The following SLC25A14 variants were observed in gnomAD, a reference collection of about 807,000 sequenced individuals.
SLC25A14 encodes brain mitochondrial carrier protein 1.
Under a neutral mutation model 28.1 loss-of-function variants are expected in SLC25A14, and 8 were observed. The observed-to-expected ratio is 0.28, with a 90% CI of 0.17 to 0.51. SLC25A14 has a LOEUF of 0.51. SLC25A14 is among the 20% of genes least tolerant of loss of function. The pLI is 0.97. For synonymous variants in SLC25A14, 74 were observed against 90.6 expected (o/e 0.82, Z 1.04); for missense variants, 135 against 263.8 (o/e 0.51, Z 3.38).
At chrX:130,368,949 A>G (rs1204939671) in intron 9 of SLC25A14, among the ~76,000 whole-genome samples, 1 of 112,590 alleles carries the variant, frequency 8.9e-6, no homozygotes, top group Non-Finnish European at 1.9e-5. Context: ...TGCTACTAAA[A>G]AATTTTAATA....
chrX:130,342,175 T>G (rs929058252), intron 2 of SLC25A14, among the ~76,000 whole-genome samples: 1 of 112,309 alleles, frequency 8.9e-6, no homozygotes, highest in African/African-American at 3.2e-5. Flanking sequence ...ACCCTCATCC[T>G]AGTCATTATT....
Position 130,358,767 on chromosome X carries a change from C to T in SLC25A14, c.594+32C>T, listed in dbSNP as rs759019084. The T allele has an allele frequency of 5.2e-6, 5 of 954,726 alleles. No individual in the cohort carries two copies. The East Asian group carries it at 9.2e-5, about 18-fold the overall frequency. The allele number at this position is 954,726 out of a possible 1,213,427, so 78.7% of individuals were successfully genotyped here. A position where few individuals can be genotyped will look rare whatever the true frequency, so the allele number is the denominator to read the frequency against. ...ACTCTTTTCCTGCTATTATCCTACA[C>T]TCTCAGTTCCTACAATTTGCAGAGA... On this transcript the variant is annotated intron_variant, in intron 7 of 10. Coordinates refer to ENST00000545805, the MANE Select transcript of SLC25A14 (RefSeq NM_001282195.2).
Position 130,350,635 on chromosome X carries a change from C to T in SLC25A14, c.413-11C>T. On this transcript the variant is annotated splice_polypyrimidine_tract_variant and intron_variant, in intron 5 of 10. Transcript: ENST00000545805. ...ACAAGCAGACCTTTCTTTTTCTTTT[C>T]CTTTTCACAGATGAAACTCTTTTAA... is the stretch of plus-strand genomic sequence containing the variant. 1 of 1,106,907 alleles carries T rather than the reference C, an allele frequency of 9.0e-7. No homozygotes were observed. Among genetic ancestry groups the T allele is most frequent in the Non-Finnish European group, 1.2e-6 (1 of 813,433 alleles). The allele number at this position is 1,106,907 out of a possible 1,213,427, so 91.2% of individuals were successfully genotyped here.
chrX:130,350,616 A>C (rs779540618), intron 5 of SLC25A14, 30 bp from the exon 6 acceptor site: 1 of 966,195 alleles, frequency 1.0e-6, no homozygotes, highest in East Asian at 3.1e-5. Flanking sequence ...TAATACAAGC[A>C]GACCTTTCTT....
chrX:130,352,926 C>T (rs1209449420), intron 6 of SLC25A14, among the ~76,000 whole-genome samples: 1 of 112,200 alleles, frequency 8.9e-6, no homozygotes, highest in African/African-American at 3.2e-5. Flanking sequence ...TCAGGTCCCG[C>T]TTGTCAATTT....
At chrX:130,354,457 G>A (rs910306374) in intron 6 of SLC25A14, among the ~76,000 whole-genome samples, 1 of 112,184 alleles carries the variant, frequency 8.9e-6, no homozygotes, top group African/African-American at 3.2e-5. Flanking sequence ...TATCAGTTAG[G>A]TTATGGGCTA....
chrX:130,348,541 T>C (rs1194715407), intron 4 of SLC25A14, among the ~76,000 whole-genome samples: 1 of 110,703 alleles, frequency 9.0e-6, no homozygotes, highest in Non-Finnish European at 1.9e-5. Context: ...AGTCCCTGTT[T>C]CATTTCTTAT....
chrX:130,358,769 C>T (rs2033870422), intron 7 of SLC25A14, 34 bp downstream of exon 7: 2 of 956,804 alleles, frequency 2.1e-6, no homozygotes, highest in African/African-American at 3.9e-5. Flanking sequence ...ATCCTACACT[C>T]TCAGTTCCTA....
At chrX:130,358,397 G>T (rs895448232) in intron 6 of SLC25A14, among the ~76,000 whole-genome samples, 2 of 111,666 alleles carry the variant, frequency 1.8e-5, no homozygotes, top group African/African-American at 6.5e-5. Context: ...AGAAATAATA[G>T]ACTTAGTGTG....
chrX:130,371,661 T>A lies in SLC25A14; in HGVS notation c.936+17T>A. The stretch of plus-strand genomic sequence containing the variant: ...AACATCATTGTATCCTTTGAGAGAA[T>A]GAAAGCAAGTGCTTCAAGCTCCCAG... On this transcript the variant is annotated intron_variant, in intron 10 of 10. Coordinates refer to ENST00000545805, the MANE Select transcript of SLC25A14 (RefSeq NM_001282195.2). 1 of 1,109,657 alleles carries A rather than the reference T, an allele frequency of 9.0e-7. No homozygotes were observed. The highest frequency in any genetic ancestry group is 1.2e-6 in the Non-Finnish European group (1 of 804,370). The allele number at this position is 1,109,657 out of a possible 1,213,427, so 91.4% of individuals were successfully genotyped here.
Position 130,372,996 on chromosome X carries a change from T to G in SLC25A14, c.*46T>G. On this transcript the variant is annotated 3_prime_UTR_variant, in exon 11 of 11. Coordinates refer to ENST00000545805, the MANE Select transcript of SLC25A14 (RefSeq NM_001282195.2). The stretch of plus-strand genomic sequence containing the variant: ...CCAGCCCTGCCAGCCTTTCTACTCC[T>G]TTGCCCTTTTCCCGTGTTCTAATGT... 1.0e-6 allele frequency: 1 copy of G among 987,098 alleles called. No individual in the cohort carries two copies. The highest frequency in any genetic ancestry group is 1.4e-6 in the Non-Finnish European group (1 of 703,212). The allele number at this position is 987,098 out of a possible 1,213,427, so 81.3% of individuals were successfully genotyped here.
intron 3 of SLC25A14, 127 bp downstream of exon 3, chrX:130,345,402 C>T (rs2033400405): frequency 4.4e-6 from 2 of 454,428 alleles, no homozygotes; most frequent in Middle Eastern, 7.6e-4. Flanking sequence ...TGTCTCAAAG[C>T]CATGAAGTAA....
intron 10 of SLC25A14, among the ~76,000 whole-genome samples, chrX:130,372,563 C>T (rs1449767299): frequency 1.8e-5 from 2 of 108,648 alleles, no homozygotes; most frequent in Admixed American, 9.9e-5. Flanking sequence ...CCTGAGTTCA[C>T]GCCATTCTCC....
Position 130,371,711 on chromosome X carries a change from A to T in SLC25A14, c.936+67A>T, listed in dbSNP as rs150685402. ...GATAATTCTAGGCTATGGGAAGGAAAATTTGATTATTAAAGCCTTTTAGGC... is the reference window on the plus strand; with the variant it reads ...GATAATTCTAGGCTATGGGAAGGAATATTTGATTATTAAAGCCTTTTAGGC... On this transcript the variant is annotated intron_variant, in intron 10 of 10. Transcript: ENST00000545805. 6,371 of 807,034 alleles carry T rather than the reference A, an allele frequency of 7.9e-3. 192 individuals carry two copies. In the African/African-American group the frequency reaches 0.1, roughly 13 times the overall value. 66.5% of individuals were successfully genotyped at this position (807,034 alleles called of 1,213,427 possible). A position where few individuals can be genotyped will look rare whatever the true frequency, so the allele number is the denominator to read the frequency against.
chrX:130,364,903 C>T (rs1290024891), intron 8 of SLC25A14, 151 bp downstream of exon 8: 2 of 1,035,748 alleles, frequency 1.9e-6, no homozygotes, highest in African/African-American at 3.9e-5. Flanking sequence ...GCCTTATGAA[C>T]ACTTTATACT....
intron 7 of SLC25A14, among the ~76,000 whole-genome samples, chrX:130,363,711 T>C (rs1277787628): frequency 5.4e-5 from 6 of 111,602 alleles, no homozygotes; most frequent in Non-Finnish European, 1.1e-4. Flanking sequence ...CAACACTTGC[T>C]CTTTTACTTT....
chrX:130,360,942 C>G (rs1272278784), intron 7 of SLC25A14, among the ~76,000 whole-genome samples: 1 of 111,596 alleles, frequency 9.0e-6, no homozygotes, highest in African/African-American at 3.3e-5. Flanking sequence ...CCCCATTTCT[C>G]CTTCCCCTAG....
At chrX:130,356,553 G>A (rs5930403) in intron 6 of SLC25A14, among the ~76,000 whole-genome samples, 51,107 of 109,655 alleles carry the variant, frequency 0.47, 8,899 homozygotes, top group African/African-American at 0.57. Context: ...CTCATTTAGT[G>A]GGGCTGTTTG....
intron 9 of SLC25A14, among the ~76,000 whole-genome samples, chrX:130,366,719 T>C (rs962036016): frequency 2.7e-5 from 3 of 112,134 alleles, no homozygotes; most frequent in African/African-American, 9.7e-5. Context: ...GTTGAAAGTT[T>C]TTAATCAGAT....
Sources: gnomAD v4.1 joint callset for allele counts (sites outside exome capture counted in the v4.1 genomes callset) on GRCh38, gnomAD v4.1.1 for gene constraint, MANE v1.5 for transcripts, NCBI Gene and HGNC (gene_info 2026-07-23, HGNC 2026-07-21) for gene names.